Variants in GLRA2 observed in about 807,000 individuals in gnomAD.
GLRA2 encodes the protein glycine receptor alpha 2.
GLRA2 carries 11 observed loss-of-function variants against 31.6 expected under a neutral mutation model. That is an observed-to-expected ratio of 0.35 (90% CI 0.22 to 0.58). The LOEUF is 0.58. Ranked by LOEUF, GLRA2 falls within the 20% of genes least tolerant of loss-of-function variation. GLRA2 has a pLI of 0.84. For synonymous variants in GLRA2, 132 were observed against 134.0 expected, an observed-to-expected ratio of 0.99 and a Z score of 0.10; for missense variants, 212 against 351.8, an observed-to-expected ratio of 0.60 and a Z score of 3.18.
At chrX:14,713,786 G>A (rs1248556907) in intron 8 of GLRA2, among the ~76,000 whole-genome samples, 1 of 111,475 alleles carries the variant, frequency 9.0e-6, no homozygotes, top group East Asian at 2.8e-4. Context: ...GAGAACAGCA[G>A]GAGTTAAGGT....
At position 14,535,039 on chromosome X, in the gene GLRA2, G is replaced by A. The variant is rs191616894; in HGVS notation, c.202+2667G>A. ...GAATAGTAACGGTCTCCCTGTAAATGTGAAAAAGCAATTTTCTGTGATAAC... is the reference window on the plus strand; with the variant it reads ...GAATAGTAACGGTCTCCCTGTAAATATGAAAAAGCAATTTTCTGTGATAAC... On this transcript the variant is annotated intron_variant, in intron 2 of 8. Transcript: ENST00000218075. Among the ~76,000 whole-genome samples the A allele has an allele frequency of 1.0e-3, 111 of 111,443 alleles. 1 individual carries two copies. Among genetic ancestry groups the A allele is most frequent in the Non-Finnish European group, 5.9e-4 (31 of 52,815 alleles).
In GLRA2 at chrX:14,564,757, G is replaced by C. The variant is rs1321774456; in HGVS notation, c.203-9576G>C. Among the ~76,000 whole-genome samples the C allele has an allele frequency of 2.7e-5, 3 of 111,440 alleles. No individual in the cohort carries two copies. In the Admixed American group the frequency reaches 2.9e-4, roughly 11 times the overall value. ...TATCGTATGTTATTGAAGTTAAGTTGGTATCAGAGAGAATGGTGTTGTATA... is the reference window on the plus strand; with the variant it reads ...TATCGTATGTTATTGAAGTTAAGTTCGTATCAGAGAGAATGGTGTTGTATA... On this transcript the variant is annotated intron_variant, in intron 2 of 8. Transcript: ENST00000218075.
the GLRA2 span, among the ~76,000 whole-genome samples, chrX:14,468,659 T>C: frequency 1.8e-5 from 2 of 112,003 alleles, no homozygotes; most frequent in Non-Finnish European, 3.8e-5. Flanking sequence ...AAAACTAATA[T>C]TGTCCTTTGG....
chrX:14,515,786 G>A, the GLRA2 span, among the ~76,000 whole-genome samples: 3 of 111,186 alleles, frequency 2.7e-5, no homozygotes, highest in Admixed American at 2.9e-4. Context: ...AAATTCTCCT[G>A]GCTCTTACTC....
the GLRA2 span, among the ~76,000 whole-genome samples, chrX:14,454,460 AAAT>A: frequency 8.1e-5 from 9 of 111,216 alleles, no homozygotes; most frequent in Admixed American, 7.7e-4. Context: ...CATAGTTTGA[AAAT>A]AATAATGTTT....
At chrX:14,518,683 T>G in the GLRA2 span, among the ~76,000 whole-genome samples, 18 of 109,428 alleles carry the variant, frequency 1.6e-4, no homozygotes, top group Admixed American at 2.9e-4. Flanking sequence ...GAAAACAAAA[T>G]GCTAAGAAAA....
chrX:14,647,949 A>G (rs1281408514), intron 7 of GLRA2, among the ~76,000 whole-genome samples: 1 of 112,684 alleles, frequency 8.9e-6, no homozygotes, highest in Non-Finnish European at 1.9e-5. Flanking sequence ...GGATAATATC[A>G]TAGAATCCTT....
chrX:14,487,767 G>A, the GLRA2 span, among the ~76,000 whole-genome samples: 7 of 111,921 alleles, frequency 6.3e-5, no homozygotes, highest in East Asian at 2.0e-3. Context: ...ATAAGTACTA[G>A]AGAGGAACAT....
the GLRA2 span, among the ~76,000 whole-genome samples, chrX:14,501,457 C>A: frequency 2.8e-4 from 31 of 111,355 alleles, no homozygotes; most frequent in Non-Finnish European, 9.4e-5. Flanking sequence ...ATGTTCCATC[C>A]AGTACAACCC....
chrX:14,513,254 T>C, the GLRA2 span, among the ~76,000 whole-genome samples: 2 of 111,597 alleles, frequency 1.8e-5, no homozygotes, highest in African/African-American at 3.3e-5. Context: ...TCTCAACTTA[T>C]ACAAAAATCA....
At chrX:14,592,648 G>C (rs1051506193) in intron 4 of GLRA2, among the ~76,000 whole-genome samples, 1 of 111,322 alleles carries the variant, frequency 9.0e-6, no homozygotes, top group Non-Finnish European at 1.9e-5. Context: ...CTCCGGCCTT[G>C]ATGACAAAGT....
intron 2 of GLRA2, among the ~76,000 whole-genome samples, chrX:14,570,764 A>G (rs1025266334): frequency 3.6e-5 from 4 of 112,099 alleles, no homozygotes; most frequent in Admixed American, 2.8e-4. Flanking sequence ...CCAATGTAGC[A>G]TAGTTATAAT....
chrX:14,468,419 T>C, the GLRA2 span, among the ~76,000 whole-genome samples: 1 of 111,813 alleles, frequency 8.9e-6, no homozygotes, highest in Non-Finnish European at 1.9e-5. Flanking sequence ...AGTGGCAAGC[T>C]TCTTAGATCC....
chrX:14,513,724 T>C, the GLRA2 span, among the ~76,000 whole-genome samples: 1 of 111,652 alleles, frequency 9.0e-6, no homozygotes, highest in Admixed American at 9.5e-5. Context: ...AATACCACCT[T>C]ACTCCTGCAA....
rs1242584182 is a variant in GLRA2 at position 14,607,276 on chromosome X, T to C, written c.715+8T>C. ...CAAAGCACTACAACACTGGTAAGTT[T>C]CTTTTTTTTTTTTTTTCAGCTGTTA... is the stretch of plus-strand genomic sequence containing the variant. On this transcript the variant is annotated splice_region_variant and intron_variant, in intron 6 of 8. Transcript: ENST00000218075. 7.3e-6 allele frequency: 8 copies of C among 1,101,534 alleles called. No homozygotes were observed. Among genetic ancestry groups the C allele is most frequent in the Non-Finnish European group, 9.6e-6 (8 of 835,265 alleles). The allele number at this position is 1,101,534 out of a possible 1,213,427, so 90.8% of individuals were successfully genotyped here. A position where few individuals can be genotyped will look rare whatever the true frequency, so the allele number is the denominator to read the frequency against.
chrX:14,496,489 G>C, the GLRA2 span, among the ~76,000 whole-genome samples: 1 of 111,397 alleles, frequency 9.0e-6, no homozygotes, highest in East Asian at 2.8e-4. Context: ...TTAACTATAA[G>C]GCAAGTGGAA....
At chrX:14,552,453 T>C (rs1171006955) in intron 2 of GLRA2, among the ~76,000 whole-genome samples, 1 of 112,414 alleles carries the variant, frequency 8.9e-6, no homozygotes, top group Non-Finnish European at 1.9e-5. Context: ...GATATCCTTT[T>C]TCCAAATCCA....
rs1183594395 is a variant in GLRA2 at position 14,529,609 on chromosome X, C to T, written c.-449C>T. ...CCTCTTCCCCCCACCCACTCCAGCG[C>T]GCAGAGTCCTTTCTTCTCTCTCATT... On this transcript the variant is annotated 5_prime_UTR_variant, in exon 1 of 9. Transcript: ENST00000218075. The T allele has an allele frequency of 1.5e-5, 2 of 137,604 alleles. No individual in the cohort carries two copies. Among genetic ancestry groups the T allele is most frequent in the Non-Finnish European group, 2.8e-5 (2 of 70,869 alleles). 11.3% of individuals were successfully genotyped at this position (137,604 alleles called of 1,213,427 possible). A position where few individuals can be genotyped will look rare whatever the true frequency, so the allele number is the denominator to read the frequency against.
At chrX:14,549,470 A>G (rs1038592957) in intron 2 of GLRA2, among the ~76,000 whole-genome samples, 1 of 111,739 alleles carries the variant, frequency 8.9e-6, no homozygotes, top group African/African-American at 3.3e-5. Context: ...AAGGTAAGGG[A>G]CCAGGGTTCC....
Sources: allele counts gnomAD v4.1 joint callset (sites outside exome capture counted in the v4.1 genomes callset), GRCh38; gene constraint gnomAD v4.1.1; transcripts MANE v1.5; gene names NCBI Gene and HGNC (gene_info 2026-07-23, HGNC 2026-07-21).